OCA2: variants seen among roughly 807,000 people sequenced by gnomAD.
OCA2 encodes the protein P protein.
Under a neutral mutation model 100.2 loss-of-function variants are expected in OCA2, and 77 were observed. The ratio of observed to expected loss-of-function variants is 0.77; its 90% CI spans 0.64 to 0.93. OCA2 has a LOEUF of 0.93. Among genes scored for constraint, OCA2 ranks in the 40% least tolerant of loss-of-function variants. OCA2 has a pLI of 0.00. For missense variants in OCA2, 1,062 were observed against 1,089.1 expected, an observed-to-expected ratio of 0.98 and a Z score of 0.35; for synonymous variants, 432 against 439.2, an observed-to-expected ratio of 0.98 and a Z score of 0.21.
At chr15:27,944,921 G>A (rs982355630) in intron 18 of OCA2, among the ~76,000 whole-genome samples, 11 of 152,164 alleles carry the variant, frequency 7.2e-5, no homozygotes, top group African/African-American at 1.7e-4. Context: ...AGAGGAACCC[G>A]CTGGACAGTT....
chr15:27,937,131 G>A (rs2039483908), intron 18 of OCA2, among the ~76,000 whole-genome samples: 1 of 152,136 alleles, frequency 6.6e-6, no homozygotes, highest in South Asian at 2.1e-4. Flanking sequence ...CACAACCAGA[G>A]AGTAAATGTG....
rs748332005 is a variant in OCA2, at chr15:28,081,817, G to A, written c.58C>T (p.Leu20=). The A allele has an allele frequency of 8.1e-6, 13 of 1,612,092 alleles. No homozygotes were observed. Among genetic ancestry groups the A allele is most frequent in the African/African-American group, 8.0e-5 (6 of 74,928 alleles). ...AGTCCGCTGGGCACGGACGTCTGCA[G>A]GAGCTCCACCGCCGGCGCGCCGGGG... ...RYPGAPAVEL[L]QTSVPSGLAE... The change falls in exon 2 of 24, where the codon CTG becomes TTG. Residue 20 remains leucine, a synonymous_variant. Coordinates refer to ENST00000354638, the MANE Select transcript of OCA2 (RefSeq NM_000275.3).
At chr15:28,072,790 C>CA (rs1236042039) in intron 2 of OCA2, among the ~76,000 whole-genome samples, 1 of 151,958 alleles carries the variant, frequency 6.6e-6, no homozygotes, top group East Asian at 1.9e-4. Context: ...TTTTAAAAAT[C>CA]AAAAAACAAC....
Position 27,969,963 on chromosome 15 carries a change from A to G in OCA2, c.1504-3141T>C, listed in dbSNP as rs2040715388. 2.6e-5 allele frequency among the ~76,000 whole-genome samples: 4 copies of G among 152,108 alleles called. No homozygotes were observed. In the South Asian group the frequency reaches 8.3e-4, roughly 32 times the overall value. On this transcript the variant is annotated intron_variant, in intron 14 of 23. Coordinates refer to ENST00000354638, the MANE Select transcript of OCA2 (RefSeq NM_000275.3). The stretch of plus-strand genomic sequence containing the variant: ...AGCTGAATCTATTGAATATTTTAGT[A>G]AAATATGCATGGTGTAATTTGAAAA...
chr15:27,850,921 C>G (rs1177230510), intron 22 of OCA2, among the ~76,000 whole-genome samples: 4 of 152,168 alleles, frequency 2.6e-5, no homozygotes, highest in Non-Finnish European at 4.4e-5. Flanking sequence ...CTAATCCACT[C>G]CTCACTGTCT....
intron 19 of OCA2, among the ~76,000 whole-genome samples, chr15:27,885,031 A>C (rs185051586): frequency 6.6e-6 from 1 of 152,176 alleles, no homozygotes; most frequent in Non-Finnish European, 1.5e-5. Context: ...ACTCTTTTAC[A>C]TTATGTCATT....
At chr15:27,796,456 A>G (rs1257535885) in intron 23 of OCA2, among the ~76,000 whole-genome samples, 1 of 152,254 alleles carries the variant, frequency 6.6e-6, no homozygotes, top group African/African-American at 2.4e-5. Context: ...ACTCAGCATC[A>G]TGCCAGGCAG....
chr15:27,739,750 TTAA>T, the OCA2 span, among the ~76,000 whole-genome samples: 3 of 151,994 alleles, frequency 2.0e-5, no homozygotes, highest in Non-Finnish European at 4.4e-5. Context: ...CTGGCCAATA[TTAA>T]TGATTTCTAA....
chr15:27,894,179 G>A (rs539305344), intron 19 of OCA2, among the ~76,000 whole-genome samples: 73 of 152,226 alleles, frequency 4.8e-4, no homozygotes, highest in African/African-American at 1.7e-3. Context: ...AATATTGGGG[G>A]CAGGTTCCCC....
chr15:28,009,784 T>A (rs1452445326), intron 9 of OCA2, among the ~76,000 whole-genome samples: 1 of 151,040 alleles, frequency 6.6e-6, no homozygotes, highest in African/African-American at 2.4e-5. Context: ...TATAAATGAA[T>A]CAAACTGTAA....
chr15:27,920,044 G>A (rs958115209), intron 19 of OCA2, among the ~76,000 whole-genome samples: 10 of 151,976 alleles, frequency 6.6e-5, no homozygotes, highest in Non-Finnish European at 1.5e-4. Context: ...GAGAGGCCAG[G>A]GAAAGAGACA....
At chr15:27,893,956 C>T (rs1002737897) in intron 19 of OCA2, among the ~76,000 whole-genome samples, 3 of 152,090 alleles carry the variant, frequency 2.0e-5, no homozygotes, top group Non-Finnish European at 2.9e-5. Context: ...CTCTTTGATG[C>T]ATGTGATCTT....
intron 19 of OCA2, among the ~76,000 whole-genome samples, chr15:27,909,159 C>G (rs1381643053): frequency 6.6e-6 from 1 of 152,108 alleles, no homozygotes. Flanking sequence ...TGCATAATAT[C>G]AACAAAGATT....
intron 23 of OCA2, among the ~76,000 whole-genome samples, chr15:27,809,529 G>T (rs900349818): frequency 6.6e-6 from 1 of 152,168 alleles, no homozygotes; most frequent in Non-Finnish European, 1.5e-5. Context: ...GAGCAATCAG[G>T]CAAGAGAAAG....
At chr15:27,860,811 C>T (rs1470657426) in intron 21 of OCA2, among the ~76,000 whole-genome samples, 1 of 152,198 alleles carries the variant, frequency 6.6e-6, no homozygotes, top group African/African-American at 2.4e-5. Context: ...TTTGGGTATA[C>T]ACTCAGCAGT....
At chr15:27,875,952 T>C (rs2036772954) in intron 19 of OCA2, among the ~76,000 whole-genome samples, 1 of 152,078 alleles carries the variant, frequency 6.6e-6, no homozygotes, top group Non-Finnish European at 1.5e-5. Context: ...TAAACAATCA[T>C]ATAGCCTACA....
At chr15:27,811,655 C>T (rs1051213306) in intron 23 of OCA2, among the ~76,000 whole-genome samples, 9 of 152,174 alleles carry the variant, frequency 5.9e-5, no homozygotes, top group Non-Finnish European at 1.3e-4. Context: ...TAAAGGCTTA[C>T]CTTTTTGCCC....
intron 1 of OCA2, among the ~76,000 whole-genome samples, chr15:28,098,394 C>G (rs1267762586): frequency 1.3e-5 from 2 of 152,240 alleles, no homozygotes; most frequent in Non-Finnish European, 2.9e-5. Context: ...GATGCCATGC[C>G]CGCCCCGCGA....
intron 23 of OCA2, among the ~76,000 whole-genome samples, chr15:27,824,749 A>G (rs2034652425): frequency 1.3e-5 from 2 of 151,434 alleles, no homozygotes; most frequent in Admixed American, 6.6e-5. Context: ...CTAAAAGGCA[A>G]CAAACTTTTT....
Sources: allele counts gnomAD v4.1 joint callset (sites outside exome capture counted in the v4.1 genomes callset), GRCh38; gene constraint gnomAD v4.1.1; transcripts MANE v1.5; gene names NCBI Gene and HGNC (gene_info 2026-07-23, HGNC 2026-07-21).